The following ICA1 variants were observed in gnomAD, a reference collection of about 807,000 sequenced individuals.
The protein encoded by ICA1 is islet cell autoantigen 1.
Under a neutral mutation model 71.0 loss-of-function variants are expected in ICA1, and 40 were observed. That is an observed-to-expected ratio of 0.56 (90% CI 0.44 to 0.73). ICA1 has a LOEUF of 0.73. Ranked by LOEUF, ICA1 falls within the 30% of genes least tolerant of loss-of-function variation. The pLI is 0.00. For missense variants in ICA1, 578 were observed against 576.5 expected, an observed-to-expected ratio of 1.00 and a Z score of -0.03; for synonymous variants, 207 against 209.5, an observed-to-expected ratio of 0.99 and a Z score of 0.10.
At chr7:8,228,560 TCTTA>T (rs1429576876) in intron 4 of ICA1, 37 bp downstream of exon 4, 2 of 1,234,296 alleles carry the variant, frequency 1.6e-6, no homozygotes, top group Admixed American at 2.1e-5. Flanking sequence ...CCCTGCTATT[TCTTA>T]CTATTTGATC....
chr7:8,247,673 T>C (rs533466753), intron 1 of ICA1, among the ~76,000 whole-genome samples: 3 of 152,250 alleles, frequency 2.0e-5, no homozygotes, highest in Admixed American at 2.0e-4. Context: ...GATACCAGAT[T>C]CTTCTCCTTG....
At chr7:8,194,730 T>A (rs1157665958) in intron 6 of ICA1, among the ~76,000 whole-genome samples, 1 of 152,186 alleles carries the variant, frequency 6.6e-6, no homozygotes, top group Non-Finnish European at 1.5e-5. Flanking sequence ...GCGTTTTATA[T>A]AATAAAATAT....
intron 8 of ICA1, among the ~76,000 whole-genome samples, chr7:8,151,861 C>A (rs1798911587): frequency 6.6e-6 from 1 of 152,178 alleles, no homozygotes; most frequent in African/African-American, 2.4e-5. Context: ...AAGACCTACA[C>A]CCCAAGAGAG....
In ICA1 at chr7:8,235,852, G is replaced by A; in HGVS notation, c.17+58C>T. On this transcript the variant is annotated intron_variant, in intron 2 of 13. Coordinates refer to ENST00000402384, the MANE Select transcript of ICA1 (RefSeq NM_001136020.3). ...TTTTTCCATTCAATAGATGTTTATT[G>A]ATCATATGCTATATGCTTTCTACTT... is the stretch of plus-strand genomic sequence containing the variant. The A allele has an allele frequency of 8.4e-6, 13 of 1,541,880 alleles. No individual in the cohort carries two copies. In the South Asian group the frequency reaches 1.5e-4, roughly 17 times the overall value.
intron 5 of ICA1, among the ~76,000 whole-genome samples, chr7:8,219,836 C>G (rs139938759): frequency 7.3e-4 from 111 of 152,328 alleles, no homozygotes; most frequent in African/African-American, 2.6e-3. Flanking sequence ...CTATTCTATT[C>G]ATTTCTAGAT....
At chr7:8,128,220 A>AG in intron 12 of ICA1, 78 bp from the exon 13 acceptor site, 1 of 1,445,674 alleles carries the variant, frequency 6.9e-7, no homozygotes, top group South Asian at 1.3e-5. Flanking sequence ...GGGGCTGCGA[A>AG]GGGGGAGACT....
intron 6 of ICA1, among the ~76,000 whole-genome samples, chr7:8,177,681 T>G (rs1781030696): frequency 6.6e-6 from 1 of 152,238 alleles, no homozygotes; most frequent in Non-Finnish European, 1.5e-5. Flanking sequence ...CAGTATAGTT[T>G]TATTATGCTT....
At chr7:8,151,810 A>T (rs1395114735) in intron 8 of ICA1, among the ~76,000 whole-genome samples, 1 of 152,228 alleles carries the variant, frequency 6.6e-6, no homozygotes, top group Non-Finnish European at 1.5e-5. Flanking sequence ...CAAAGCTAAA[A>T]GCATTCTGGT....
At chr7:8,170,268 C>A (rs1422563936) in intron 6 of ICA1, among the ~76,000 whole-genome samples, 1 of 152,020 alleles carries the variant, frequency 6.6e-6, no homozygotes, top group African/African-American at 2.4e-5. Context: ...GTCTTGAAAT[C>A]ATGTAGTATA....
At chr7:8,186,017 T>C (rs879734425) in intron 6 of ICA1, among the ~76,000 whole-genome samples, 4 of 152,172 alleles carry the variant, frequency 2.6e-5, no homozygotes, top group Non-Finnish European at 5.9e-5. Flanking sequence ...ATGATACACA[T>C]TAGGAAGTGT....
intron 3 of ICA1, among the ~76,000 whole-genome samples, chr7:8,231,260 T>C (rs1800193370): frequency 6.6e-6 from 1 of 152,060 alleles, no homozygotes; most frequent in Non-Finnish European, 1.5e-5. Flanking sequence ...AAGGCCATCA[T>C]AGCTGGCTGG....
chr7:8,148,322 T>C (rs1189393032), intron 8 of ICA1, among the ~76,000 whole-genome samples: 1 of 152,208 alleles, frequency 6.6e-6, no homozygotes, highest in Non-Finnish European at 1.5e-5. Flanking sequence ...CCAACGCTTA[T>C]TCCTTAATTT....
At chr7:8,156,743 T>A (rs1234167102) in intron 8 of ICA1, 3 of 1,268,724 alleles carry the variant, frequency 2.4e-6, no homozygotes, top group Non-Finnish European at 3.1e-6. Context: ...TAAAAGTAAC[T>A]GAGTTTATGG....
intron 6 of ICA1, among the ~76,000 whole-genome samples, chr7:8,198,775 A>C (rs1182835304): frequency 6.6e-6 from 1 of 152,248 alleles, no homozygotes; most frequent in Admixed American, 6.5e-5. Flanking sequence ...TAAAGGGAGC[A>C]GTTCTGCACA....
At chr7:8,198,077 G>C (rs1307663524) in intron 6 of ICA1, among the ~76,000 whole-genome samples, 1 of 152,184 alleles carries the variant, frequency 6.6e-6, no homozygotes, top group Non-Finnish European at 1.5e-5. Context: ...ACAGATTGTG[G>C]TATACCACAA....
intron 8 of ICA1, among the ~76,000 whole-genome samples, chr7:8,155,893 T>C (rs1285980626): frequency 6.6e-6 from 1 of 152,172 alleles, no homozygotes; most frequent in Non-Finnish European, 1.5e-5. Context: ...GCACACTGTG[T>C]ACAAAACATT....
chr7:8,181,330 C>T (rs1428162050), intron 6 of ICA1, among the ~76,000 whole-genome samples: 5 of 152,164 alleles, frequency 3.3e-5, no homozygotes, highest in African/African-American at 7.2e-5. Context: ...TCTGTTCCAT[C>T]GATCTACTGG....
At chr7:8,168,842 TATC>T (rs1257146414) in intron 6 of ICA1, among the ~76,000 whole-genome samples, 1 of 152,156 alleles carries the variant, frequency 6.6e-6, no homozygotes, top group African/African-American at 2.4e-5. Flanking sequence ...TTCATTATCA[TATC>T]ATCATCTTCA....
chr7:8,154,211 T>C (rs1186631604), intron 8 of ICA1, among the ~76,000 whole-genome samples: 1 of 152,186 alleles, frequency 6.6e-6, no homozygotes, highest in Non-Finnish European at 1.5e-5. Context: ...AAGTATGAAG[T>C]GAAGACTCAA....
Sources: allele counts gnomAD v4.1 joint callset (sites outside exome capture counted in the v4.1 genomes callset), GRCh38; gene constraint gnomAD v4.1.1; transcripts MANE v1.5; gene names NCBI Gene and HGNC (gene_info 2026-07-23, HGNC 2026-07-21).